The following PIP5K1B variants were observed in gnomAD, a reference collection of about 807,000 sequenced individuals.
PIP5K1B encodes phosphatidylinositol-4-phosphate 5-kinase type 1 beta.
In PIP5K1B, 42 loss-of-function variants were observed where a neutral mutation model predicts 67.0. That is an observed-to-expected ratio of 0.63 (90% CI 0.49 to 0.81). PIP5K1B has a LOEUF of 0.81. PIP5K1B is among the 30% of genes least tolerant of loss of function. PIP5K1B has a pLI of 0.00. For missense variants in PIP5K1B, 459 were observed against 646.3 expected, an observed-to-expected ratio of 0.71 and a Z score of 3.14; for synonymous variants, 214 against 231.4, an observed-to-expected ratio of 0.92 and a Z score of 0.68.
chr9:68,755,209 A>G (rs12336702), intron 2 of PIP5K1B, among the ~76,000 whole-genome samples: 9,725 of 152,290 alleles, frequency 0.064, 589 homozygotes, highest in African/African-American at 0.15. Flanking sequence ...ATACTTCAAA[A>G]AAGAAATGTT....
chr9:68,992,954 C>T (rs1477592459), intron 15 of PIP5K1B, among the ~76,000 whole-genome samples: 4 of 150,638 alleles, frequency 2.7e-5, no homozygotes, highest in Admixed American at 2.7e-4. Flanking sequence ...GTCAGGAGTT[C>T]GAGACCATCC....
intron 4 of PIP5K1B, among the ~76,000 whole-genome samples, chr9:68,839,313 T>A (rs570619149): frequency 6.6e-6 from 1 of 152,162 alleles, no homozygotes; most frequent in Admixed American, 6.5e-5. Context: ...GTGGTGGTGG[T>A]TTTGTTTGTT....
chr9:69,008,729 C>T lies in PIP5K1B; in HGVS notation c.*280C>T, dbSNP rs978092843. 1.5e-5 allele frequency: 6 copies of T among 389,160 alleles called. No homozygotes were observed. The highest frequency in any genetic ancestry group is 1.2e-4 in the East Asian group (3 of 25,338). 24.1% of individuals were successfully genotyped at this position (389,160 alleles called of 1,614,324 possible). A position where few individuals can be genotyped will look rare whatever the true frequency, so the allele number is the denominator to read the frequency against. On this transcript the variant is annotated 3_prime_UTR_variant, in exon 16 of 16. Transcript: ENST00000265382. ...CTGCTTTCTGTACCATTGCCAATCACCTTTTTGGAGTTGGAAGTGCTATTT... is the reference window on the plus strand; with the variant it reads ...CTGCTTTCTGTACCATTGCCAATCATCTTTTTGGAGTTGGAAGTGCTATTT...
intron 2 of PIP5K1B, among the ~76,000 whole-genome samples, chr9:68,754,175 C>CTTTTTCTTTTTTTTTTTTTT (rs1829792949): frequency 9.9e-6 from 1 of 101,076 alleles, no homozygotes; most frequent in Non-Finnish European, 1.9e-5. Context: ...TCCATGATTT[C>CTTTTTCTTTTTTTTTTTTTT]TTTTTTTTTT....
intron 2 of PIP5K1B, among the ~76,000 whole-genome samples, chr9:68,806,624 G>A (rs1262073068): frequency 2.0e-5 from 3 of 152,024 alleles, no homozygotes; most frequent in Admixed American, 6.6e-5. Flanking sequence ...AATTCCCATC[G>A]TATCAGCACA....
intron 1 of PIP5K1B, among the ~76,000 whole-genome samples, chr9:68,712,558 A>C (rs747258624): frequency 3.3e-5 from 5 of 152,192 alleles, no homozygotes; most frequent in African/African-American, 4.8e-5. Flanking sequence ...GTCCTCAGTA[A>C]ATATTTAAAT....
At chr9:68,960,011 T>C (rs566410496) in intron 14 of PIP5K1B, among the ~76,000 whole-genome samples, 18 of 152,356 alleles carry the variant, frequency 1.2e-4, no homozygotes, top group African/African-American at 4.3e-4. Flanking sequence ...ATAGTGTTTA[T>C]ATTTCCCTCT....
At chr9:68,817,782 C>T (rs570902365) in intron 2 of PIP5K1B, among the ~76,000 whole-genome samples, 1 of 145,934 alleles carries the variant, frequency 6.9e-6, no homozygotes, top group Non-Finnish European at 1.5e-5. Flanking sequence ...TCTCAAATTC[C>T]TGGCCTCAAG....
chr9:68,982,924 G>T (rs12378665), intron 14 of PIP5K1B, among the ~76,000 whole-genome samples: 15,742 of 152,160 alleles, frequency 0.1, 988 homozygotes, highest in East Asian at 0.31. Flanking sequence ...CAATGGACAT[G>T]CACATACATA....
At chr9:68,725,554 GT>G (rs976525014) in intron 1 of PIP5K1B, among the ~76,000 whole-genome samples, 17 of 152,138 alleles carry the variant, frequency 1.1e-4, no homozygotes, top group African/African-American at 4.1e-4. Flanking sequence ...GAGCCAAGAG[GT>G]CCCCATAAAG....
chr9:68,828,624 A>G (rs1889150), intron 4 of PIP5K1B, among the ~76,000 whole-genome samples: 99,983 of 152,038 alleles, frequency 0.66, 33,105 homozygotes, highest in Admixed American at 0.75. Context: ...TTTCACCATG[A>G]GTAAGATAAT....
At chr9:68,901,053 A>G (rs543260330) in intron 8 of PIP5K1B, among the ~76,000 whole-genome samples, 1 of 152,058 alleles carries the variant, frequency 6.6e-6, no homozygotes, top group South Asian at 2.1e-4. Context: ...TTTTTTTGAT[A>G]TTGCTTGCCT....
intron 8 of PIP5K1B, among the ~76,000 whole-genome samples, chr9:68,894,909 T>C (rs1825000516): frequency 6.6e-6 from 1 of 152,214 alleles, no homozygotes; most frequent in African/African-American, 2.4e-5. Flanking sequence ...ACAAGAAAGC[T>C]TTGTTTTCTT....
At chr9:68,745,053 C>T (rs1191778907) in intron 2 of PIP5K1B, among the ~76,000 whole-genome samples, 1 of 152,182 alleles carries the variant, frequency 6.6e-6, no homozygotes, top group East Asian at 1.9e-4. Context: ...GGGCAACTGT[C>T]GTTTCCTTTG....
In PIP5K1B at chr9:69,008,462, A is replaced by G. The variant is rs755416490; in HGVS notation, c.*13A>G. On this transcript the variant is annotated 3_prime_UTR_variant, in exon 16 of 16. Transcript: ENST00000265382. The stretch of plus-strand genomic sequence containing the variant: ...CTCCCCCCAGTAAGTGAAAATGGTG[A>G]TCACCTAAGCACATGGATGAGACGT... 18 of 1,613,532 alleles carry G rather than the reference A, an allele frequency of 1.1e-5. No individual in the cohort carries two copies. Among genetic ancestry groups the G allele is most frequent in the Non-Finnish European group, 1.4e-5 (16 of 1,179,544 alleles).
intron 15 of PIP5K1B, among the ~76,000 whole-genome samples, chr9:68,999,832 G>A (rs1830739898): frequency 6.6e-6 from 1 of 152,242 alleles, no homozygotes; most frequent in South Asian, 2.1e-4. Context: ...TGATAATCAA[G>A]GCGGGGAAGG....
intron 2 of PIP5K1B, among the ~76,000 whole-genome samples, chr9:68,768,845 G>A (rs549780280): frequency 6.6e-6 from 1 of 152,268 alleles, no homozygotes; most frequent in South Asian, 2.1e-4. Flanking sequence ...TCTCAGTACT[G>A]TCACCCATTA....
chr9:68,989,584 C>T (rs557613090), intron 14 of PIP5K1B, among the ~76,000 whole-genome samples: 1 of 152,190 alleles, frequency 6.6e-6, no homozygotes, highest in South Asian at 2.1e-4. Flanking sequence ...CAAAACCTTC[C>T]CATGGCAAAT....
At chr9:68,843,759 C>T (rs1379050881) in intron 4 of PIP5K1B, among the ~76,000 whole-genome samples, 2 of 152,218 alleles carry the variant, frequency 1.3e-5, no homozygotes, top group African/African-American at 2.4e-5. Context: ...GTAGAAAATT[C>T]CCCTCAGCCA....
Sources: gnomAD v4.1 joint callset for allele counts (sites outside exome capture counted in the v4.1 genomes callset) on GRCh38, gnomAD v4.1.1 for gene constraint, MANE v1.5 for transcripts, NCBI Gene and HGNC (gene_info 2026-07-23, HGNC 2026-07-21) for gene names.